The following CCDC158 variants were observed in gnomAD, a reference collection of about 807,000 sequenced individuals.
CCDC158 encodes the protein coiled-coil domain containing 158.
Under a neutral mutation model 138.6 loss-of-function variants are expected in CCDC158, and 116 were observed. The observed-to-expected ratio is 0.84, with a 90% CI of 0.72 to 0.98. The LOEUF (loss-of-function observed/expected upper bound fraction) is 0.98. Ranked by LOEUF, CCDC158 falls within the 50% of genes least tolerant of loss-of-function variation. The probability of loss-of-function intolerance (pLI) is 0.00; values close to 1 mark genes in which losing one functional copy is unlikely to be tolerated. For synonymous variants in CCDC158, 436 were observed against 442.4 expected, an observed-to-expected ratio of 0.99 and a Z score of 0.18; for missense variants, 1,265 against 1,306.1, an observed-to-expected ratio of 0.97 and a Z score of 0.48.
In CCDC158 at chr4:76,371,509, G is replaced by C. The variant is rs1725236605; in HGVS notation, c.1057C>G (p.Leu353Val). The C allele has an allele frequency of 6.2e-7, 1 of 1,614,144 alleles. No individual in the cohort carries two copies. The highest frequency in any genetic ancestry group is 8.5e-7 in the Non-Finnish European group (1 of 1,180,004). The change falls in exon 10 of 25, where the codon CTT becomes GTT. Residue 353 changes from leucine (L) to valine (V), a missense_variant. Leu to Val is a conservative substitution (Grantham distance 32). Transcript: ENST00000682701. ...KTEELEKQLV[L>V]ANSELTEART... ...GCTTCAGTTAGCTCTGAGTTGGCAA[G>C]GACTAACTGCTTTTCCAGCTCTTCT...
At chr4:76,404,560 G>C (rs2109873433) in intron 2 of CCDC158, among the ~76,000 whole-genome samples, 1 of 152,206 alleles carries the variant, frequency 6.6e-6, no homozygotes, top group Admixed American at 6.5e-5. Context: ...GAGATGAAAT[G>C]AGAGTTGATT....
chr4:76,382,507 T>C, intron 8 of CCDC158, 103 bp downstream of exon 8: 1 of 698,878 alleles, frequency 1.4e-6, no homozygotes. Context: ...CACTTTCTTA[T>C]GAAATCTTAC....
intron 12 of CCDC158, among the ~76,000 whole-genome samples, chr4:76,366,564 A>C (rs995209003): frequency 2.0e-5 from 3 of 152,016 alleles, no homozygotes; most frequent in Non-Finnish European, 4.4e-5. Context: ...AAGGCTAATA[A>C]GATGTGTACC....
intron 22 of CCDC158, among the ~76,000 whole-genome samples, chr4:76,326,619 A>G (rs1317274895): frequency 6.6e-6 from 1 of 152,194 alleles, no homozygotes; most frequent in African/African-American, 2.4e-5. Flanking sequence ...ATCAAAAACA[A>G]AAACAATCTT....
intron 22 of CCDC158, among the ~76,000 whole-genome samples, chr4:76,326,733 A>G (rs1010808585): frequency 1.3e-5 from 2 of 152,210 alleles, no homozygotes; most frequent in East Asian, 3.8e-4. Context: ...AACAATGGAA[A>G]GTGATATCTT....
chr4:76,365,624 T>A (rs1380529203), intron 12 of CCDC158, among the ~76,000 whole-genome samples: 1 of 152,148 alleles, frequency 6.6e-6, no homozygotes, highest in Non-Finnish European at 1.5e-5. Flanking sequence ...CTTTGCCTAG[T>A]TTTTGCCCAT....
At chr4:76,405,248 A>G (rs1053706830) in intron 2 of CCDC158, among the ~76,000 whole-genome samples, 2 of 152,222 alleles carry the variant, frequency 1.3e-5, no homozygotes, top group Non-Finnish European at 2.9e-5. Flanking sequence ...AGTACTTTCA[A>G]GAAGGGAAAG....
chr4:76,369,215 AAAAT>A (rs373989037), intron 11 of CCDC158, among the ~76,000 whole-genome samples: 19 of 152,088 alleles, frequency 1.2e-4, no homozygotes, highest in African/African-American at 3.4e-4. Flanking sequence ...ACGCCATCTA[AAAAT>A]AAATAAATAA....
intron 10 of CCDC158, among the ~76,000 whole-genome samples, chr4:76,370,592 GAGACTGC>G (rs1725139419): frequency 6.6e-6 from 1 of 152,182 alleles, no homozygotes; most frequent in Non-Finnish European, 1.5e-5. Flanking sequence ...CATCAGTAAG[GAGACTGC>G]CATGCTTCAG....
intron 4 of CCDC158, among the ~76,000 whole-genome samples, chr4:76,386,491 T>C (rs1454012541): frequency 6.6e-6 from 1 of 152,206 alleles, no homozygotes; most frequent in Non-Finnish European, 1.5e-5. Flanking sequence ...AATTCAGTAA[T>C]GGGGCTTTTG....
rs200257544 is a variant in CCDC158 at position 76,325,831 on chromosome 4, C to A, written c.3169+26G>T. ...AGCAGTGTAGGAAATCAATTAATCA[C>A]GTCAATGATATCAGATCTTTCTTAC... is the stretch of plus-strand genomic sequence containing the variant. On this transcript the variant is annotated intron_variant, in intron 23 of 24. Transcript: ENST00000682701. 6.3e-6 allele frequency: 10 copies of A among 1,589,936 alleles called. No homozygotes were observed. The Admixed American group carries it at 1.8e-4, about 28-fold the overall frequency.
chr4:76,348,616 A>G (rs1255334030), intron 18 of CCDC158, among the ~76,000 whole-genome samples: 3 of 152,164 alleles, frequency 2.0e-5, no homozygotes, highest in Admixed American at 6.5e-5. Context: ...AAAAGATAAT[A>G]TTGAGAATTT....
chr4:76,327,858 T>C (rs535069003), intron 22 of CCDC158, among the ~76,000 whole-genome samples: 2 of 152,350 alleles, frequency 1.3e-5, no homozygotes, highest in Non-Finnish European at 2.9e-5. Flanking sequence ...AGTTTCATTC[T>C]TTCTCATTTA....
At position 76,386,676 on chromosome 4, in the gene CCDC158, G is replaced by C. The variant is rs1726823178; in HGVS notation, c.289-2011C>G. Among the ~76,000 whole-genome samples, 3 of 122,544 alleles carry C rather than the reference G, an allele frequency of 2.4e-5. No individual in the cohort carries two copies. The South Asian group carries it at 8.3e-4, about 34-fold the overall frequency. The allele number at this position is 122,544 out of a possible 152,430, so 80.4% of individuals were successfully genotyped here. On this transcript the variant is annotated intron_variant, in intron 4 of 24. Coordinates refer to ENST00000682701, the MANE Select transcript of CCDC158 (RefSeq NM_001394954.1). ...TTATCTGGTTTTAATTCATATGGTG[G>C]AAAGAGGCATTGAGGAGGGCAGGAG...
intron 16 of CCDC158, 31 bp downstream of exon 16, chr4:76,353,092 T>C (rs1560412590): frequency 1.3e-6 from 2 of 1,554,840 alleles, no homozygotes; most frequent in Non-Finnish European, 1.8e-6. Flanking sequence ...ATTTAGTTGA[T>C]AATTACTTCA....
intron 3 of CCDC158, chr4:76,401,586 T>C (rs1728395408): frequency 1.2e-5 from 2 of 161,990 alleles, no homozygotes; most frequent in South Asian, 3.4e-4. Context: ...TCTTTTGTTT[T>C]ATTATGAAGA....
At chr4:76,321,672 T>TA (rs1553962002) in intron 24 of CCDC158, among the ~76,000 whole-genome samples, 30 of 145,074 alleles carry the variant, frequency 2.1e-4, no homozygotes, top group African/African-American at 2.5e-4. Context: ...ATGTATATTT[T>TA]TATATATATA....
At chr4:76,397,032 T>G (rs768798457) in intron 3 of CCDC158, among the ~76,000 whole-genome samples, 4 of 152,142 alleles carry the variant, frequency 2.6e-5, no homozygotes, top group Non-Finnish European at 5.9e-5. Context: ...AATTTGCATG[T>G]GAGTGAAATG....
intron 8 of CCDC158, among the ~76,000 whole-genome samples, chr4:76,381,998 A>T (rs931616693): frequency 6.6e-6 from 1 of 152,212 alleles, no homozygotes; most frequent in Non-Finnish European, 1.5e-5. Context: ...GTATTTTAAA[A>T]TGTGAGAAAG....
Sources: allele counts gnomAD v4.1 joint callset (sites outside exome capture counted in the v4.1 genomes callset), GRCh38; gene constraint gnomAD v4.1.1; transcripts MANE v1.5; gene names NCBI Gene and HGNC (gene_info 2026-07-23, HGNC 2026-07-21).